PSMD1: variants seen among roughly 807,000 people sequenced by gnomAD.
The protein encoded by PSMD1 is 26S proteasome non-ATPase regulatory subunit 1.
A neutral mutation model predicts 119.0 loss-of-function variants in PSMD1; 18 were observed. That is an observed-to-expected ratio of 0.15 (90% confidence interval 0.10 to 0.22). The LOEUF is 0.22. Ranked by LOEUF, PSMD1 falls within the 10% of genes least tolerant of loss-of-function variation. The probability of loss-of-function intolerance (pLI) is 1.00; values close to 1 mark genes in which losing one functional copy is unlikely to be tolerated. For synonymous variants in PSMD1, 374 were observed against 396.6 expected (o/e 0.94, Z 0.68); for missense variants, 702 against 1,158.5 (o/e 0.61, Z 5.72).
intron 16 of PSMD1, among the ~76,000 whole-genome samples, chr2:231,106,958 T>C (rs1245998841): frequency 1.3e-5 from 2 of 152,170 alleles, no homozygotes; most frequent in African/African-American, 4.8e-5. Flanking sequence ...TCTTAACATA[T>C]GCCAAATCCA....
Position 231,148,120 on chromosome 2 carries a change from T to G in PSMD1, c.2115+1764T>G, listed in dbSNP as rs554711076. On this transcript the variant is annotated intron_variant, in intron 18 of 24. Coordinates refer to ENST00000308696, the MANE Select transcript of PSMD1 (RefSeq NM_002807.4). ...CTACATCTTCTAGAACATAAACATC[T>G]TTCCAAACACCACATTTCTTTTTGT... Among the ~76,000 whole-genome samples, 46 of 152,360 alleles carry G rather than the reference T, an allele frequency of 3.0e-4. No homozygotes were observed. The South Asian group carries it at 9.3e-3, about 31-fold the overall frequency.
chr2:231,060,921 C>A (rs775379762), intron 1 of PSMD1, among the ~76,000 whole-genome samples: 8 of 152,246 alleles, frequency 5.3e-5, no homozygotes, highest in Non-Finnish European at 1.0e-4. Flanking sequence ...AATCACAGTA[C>A]TGGGCCCCAT....
At chr2:231,125,011 T>A (rs1559241862) in intron 16 of PSMD1, 1 of 152,254 alleles carries the variant, frequency 6.6e-6, no homozygotes, top group Non-Finnish European at 1.5e-5. Context: ...TGTCATCTTA[T>A]CTGTTCACTA....
intron 16 of PSMD1, among the ~76,000 whole-genome samples, chr2:231,121,395 TTAA>T (rs1224601783): frequency 1.3e-5 from 2 of 152,198 alleles, no homozygotes; most frequent in South Asian, 4.2e-4. Context: ...AAATTTAAAG[TTAA>T]TAAACATTTG....
At chr2:231,063,009 G>A (rs1246148225) in intron 4 of PSMD1, among the ~76,000 whole-genome samples, 2 of 152,114 alleles carry the variant, frequency 1.3e-5, no homozygotes, top group African/African-American at 4.8e-5. Flanking sequence ...GCTAGGCACC[G>A]TGCTAGTCAC....
In PSMD1 at chr2:231,056,986, G is replaced by A. The variant is rs1272872179; in HGVS notation, c.-40G>A. 8 of 1,540,324 alleles carry A rather than the reference G, an allele frequency of 5.2e-6. No homozygotes were observed. The highest frequency in any genetic ancestry group is 7.0e-6 in the Non-Finnish European group (8 of 1,144,632). ...AGCTGACAGATACACTGCGCAGCTG[G>A]AACGGCGAGCGAGCCGACGGGCGAG... On this transcript the variant is annotated 5_prime_UTR_variant, in exon 1 of 25. Coordinates refer to ENST00000308696, the MANE Select transcript of PSMD1 (RefSeq NM_002807.4).
At chr2:231,143,063 C>T (rs1000324531) in intron 17 of PSMD1, among the ~76,000 whole-genome samples, 4 of 151,956 alleles carry the variant, frequency 2.6e-5, no homozygotes, top group Admixed American at 6.6e-5. Flanking sequence ...TTACTCTTTT[C>T]GTCCCAGATT....
chr2:231,152,141 G>A (rs968733845), intron 18 of PSMD1, among the ~76,000 whole-genome samples: 7 of 151,904 alleles, frequency 4.6e-5, no homozygotes, highest in Admixed American at 1.3e-4. Flanking sequence ...TAAGTAGAGG[G>A]GAATTTAGTG....
At chr2:231,142,284 G>A (rs956035495) in intron 17 of PSMD1, among the ~76,000 whole-genome samples, 1 of 152,136 alleles carries the variant, frequency 6.6e-6, no homozygotes, top group African/African-American at 2.4e-5. Context: ...ATGTCATTGG[G>A]TATATCGAAT....
At chr2:231,078,093 C>A (rs944819059) in intron 9 of PSMD1, among the ~76,000 whole-genome samples, 1 of 152,190 alleles carries the variant, frequency 6.6e-6, no homozygotes. Flanking sequence ...CATGGTGAAA[C>A]CCCGTCTCTA....
chr2:231,143,154 T>A (rs983532683), intron 17 of PSMD1, among the ~76,000 whole-genome samples: 5 of 152,076 alleles, frequency 3.3e-5, no homozygotes, highest in African/African-American at 9.7e-5. Context: ...TTTTTTTAAC[T>A]CTAATCTCAA....
At chr2:231,079,467 T>C in intron 10 of PSMD1, 69 bp from the exon 11 acceptor site, 1 of 1,077,038 alleles carries the variant, frequency 9.3e-7, no homozygotes, top group Admixed American at 2.3e-5. Flanking sequence ...CTTTTAACCT[T>C]AGAGTTAAAA....
intron 5 of PSMD1, among the ~76,000 whole-genome samples, chr2:231,068,853 T>C (rs530345465): frequency 2.8e-4 from 42 of 152,184 alleles, no homozygotes; most frequent in Non-Finnish European, 4.7e-4. Flanking sequence ...TTCCTTTAAT[T>C]GAAAAAGTGA....
chr2:231,107,491 C>G (rs1475646087), intron 16 of PSMD1, among the ~76,000 whole-genome samples: 1 of 152,158 alleles, frequency 6.6e-6, no homozygotes, highest in African/African-American at 2.4e-5. Context: ...GAATTGTCTA[C>G]CATTTACTTA....
intron 13 of PSMD1, 93 bp from the exon 14 acceptor site, chr2:231,083,474 T>C (rs963901808): frequency 3.0e-6 from 4 of 1,315,696 alleles, no homozygotes; most frequent in Admixed American, 2.0e-5. Context: ...ATTTTTTTGA[T>C]AGTTTATGCA....
At position 231,172,518 on chromosome 2, in the gene PSMD1, T is replaced by G. The variant is rs1266551798; in HGVS notation, c.*10-17T>G. ...AGAATGACCCTAGCTACTACTGTTC[T>G]TTCTTCCCTTTCCCAGGATCTCACT... is the stretch of plus-strand genomic sequence containing the variant. On this transcript the variant is annotated splice_polypyrimidine_tract_variant and intron_variant, in intron 24 of 24. Transcript: ENST00000308696. The G allele has an allele frequency of 6.6e-6, 1 of 152,260 alleles. No individual in the cohort carries two copies. The highest frequency in any genetic ancestry group is 1.5e-5 in the Non-Finnish European group (1 of 68,046). 9.4% of individuals were successfully genotyped at this position (152,260 alleles called of 1,614,324 possible).
rs374861728 is a variant in PSMD1, at chr2:231,078,694, C to T, written c.1107C>T (p.Thr369=). 140 of 1,609,586 alleles carry T rather than the reference C, an allele frequency of 8.7e-5. No individual in the cohort carries two copies. The highest frequency in any genetic ancestry group is 2.0e-4 in the Admixed American group (12 of 59,500). The change falls in exon 10 of 25, where the codon ACC becomes ACT. Residue 369 remains threonine (T), a synonymous_variant. Transcript: ENST00000308696. ...AVRNSVCHTA[T]VIANSFMHCG... ...GGAATTCTGTATGTCATACTGCAAC[C>T]GTTATAGCAAACTCTTTTATGCACT... is the stretch of plus-strand genomic sequence containing the variant.
At position 231,089,522 on chromosome 2, in the gene PSMD1, T is replaced by C. The variant is rs146001797; in HGVS notation, c.1883+2341T>C. Among the ~76,000 whole-genome samples the C allele has an allele frequency of 1.6e-3, 242 of 152,144 alleles. 8 individuals are homozygous for C. In the East Asian group the frequency reaches 0.042, roughly 26 times the overall value. ...TATGCTAAAGCTGTTCTACGTGTTC[T>C]AGAAATGAAACAACAAAGCCTGGAT... On this transcript the variant is annotated intron_variant, in intron 16 of 24. Transcript: ENST00000308696.
chr2:231,113,495 T>C (rs114106416), intron 16 of PSMD1, among the ~76,000 whole-genome samples: 135 of 152,342 alleles, frequency 8.9e-4, no homozygotes, highest in African/African-American at 3.1e-3. Flanking sequence ...ATAAACACTG[T>C]GCAGATGGTT....
Sources: allele counts gnomAD v4.1 joint callset (sites outside exome capture counted in the v4.1 genomes callset), GRCh38; gene constraint gnomAD v4.1.1; transcripts MANE v1.5; gene names NCBI Gene and HGNC (gene_info 2026-07-23, HGNC 2026-07-21).